Variants in RAF1 observed in about 807,000 individuals in gnomAD.
RAF1 encodes the protein RAF proto-oncogene serine/threonine-protein kinase.
RAF1 carries 27 observed loss-of-function variants against 81.1 expected under a neutral mutation model. The ratio of observed to expected loss-of-function variants is 0.33; its 90% CI spans 0.25 to 0.46. RAF1 has a LOEUF of 0.46. Ranked by LOEUF, RAF1 falls within the 20% of genes least tolerant of loss-of-function variation. RAF1 has a pLI of 1.00. For synonymous variants in RAF1, 298 were observed against 294.0 expected (o/e 1.01, Z -0.14); for missense variants, 598 against 826.0 (o/e 0.72, Z 3.38).
chr3:12,647,380 T>C (rs1184444546), intron 1 of RAF1, among the ~76,000 whole-genome samples: 3 of 151,436 alleles, frequency 2.0e-5, no homozygotes, highest in East Asian at 2.0e-4. Context: ...GCAAGCAGAC[T>C]GCTTGAGCCT....
intron 1 of RAF1, among the ~76,000 whole-genome samples, 167 bp downstream of exon 1, chr3:12,663,646 C>T (rs2060955161): frequency 1.3e-5 from 1 of 76,770 alleles, no homozygotes; most frequent in Admixed American, 1.5e-4. Flanking sequence ...ACTCCGGGGC[C>T]CCCGCCCAAC....
intron 11 of RAF1, among the ~76,000 whole-genome samples, chr3:12,597,388 G>C (rs932258101): frequency 1.3e-5 from 2 of 152,304 alleles, no homozygotes; most frequent in South Asian, 2.1e-4. Flanking sequence ...TGCGCAACCA[G>C]AGGAAAATTA....
intron 1 of RAF1, among the ~76,000 whole-genome samples, chr3:12,640,933 A>G (rs1157819514): frequency 1.3e-5 from 2 of 152,124 alleles, no homozygotes; most frequent in Non-Finnish European, 2.9e-5. Context: ...TTGTGGTACT[A>G]TTCACAATAG....
At chr3:12,617,099 G>A (rs576588691) in intron 2 of RAF1, among the ~76,000 whole-genome samples, 9 of 151,634 alleles carry the variant, frequency 5.9e-5, no homozygotes, top group African/African-American at 2.2e-4. Flanking sequence ...GTGCCACCAC[G>A]CCCGGCTACA....
At chr3:12,594,930 A>G (rs2125359979) in intron 11 of RAF1, among the ~76,000 whole-genome samples, 1 of 152,348 alleles carries the variant, frequency 6.6e-6, no homozygotes, top group East Asian at 1.9e-4. Context: ...TCCAGAAGGA[A>G]TGTTCTATAC....
At chr3:12,628,244 T>G (rs2059763498) in intron 1 of RAF1, among the ~76,000 whole-genome samples, 1 of 152,222 alleles carries the variant, frequency 6.6e-6, no homozygotes, top group Non-Finnish European at 1.5e-5. Flanking sequence ...GAAGATCACT[T>G]AGGCCCAGGA....
chr3:12,622,986 G>T (rs1054419837), intron 1 of RAF1, among the ~76,000 whole-genome samples: 2 of 151,880 alleles, frequency 1.3e-5, no homozygotes, highest in African/African-American at 4.8e-5. Flanking sequence ...AACACAGCAA[G>T]ACCCCATTTC....
intron 5 of RAF1, chr3:12,608,492 C>G: frequency 2.1e-6 from 1 of 480,012 alleles, no homozygotes; most frequent in Admixed American, 3.4e-5. Flanking sequence ...TTTTCATATC[C>G]TTTTGCTCCT....
intron 11 of RAF1, among the ~76,000 whole-genome samples, chr3:12,594,004 G>A (rs1329559126): frequency 2.0e-5 from 3 of 152,110 alleles, no homozygotes; most frequent in African/African-American, 7.2e-5. Flanking sequence ...ATAGGACAGA[G>A]AATGTTTCAG....
rs2060223391 is a variant in RAF1 at position 12,642,568 on chromosome 3, T to C, written c.-27+21245A>G. 2.0e-5 allele frequency among the ~76,000 whole-genome samples: 3 copies of C among 151,448 alleles called. No individual in the cohort carries two copies. In the South Asian group the frequency reaches 6.2e-4, roughly 32 times the overall value. On this transcript the variant is annotated intron_variant, in intron 1 of 17. Coordinates refer to ENST00000442415, the MANE Select transcript of RAF1 (RefSeq NM_001354689.3). ...AGTAAGATAAATAACACTTCTCCCA[T>C]TTCAGTAAAAGGATGAAGCCAGTTT... is the stretch of plus-strand genomic sequence containing the variant.
chr3:12,611,593 C>T (rs902035988), intron 3 of RAF1, among the ~76,000 whole-genome samples: 2 of 151,996 alleles, frequency 1.3e-5, no homozygotes, highest in African/African-American at 2.4e-5. Context: ...CCAGCTACTC[C>T]GGAGGCTGAG....
intron 1 of RAF1, among the ~76,000 whole-genome samples, chr3:12,629,311 A>C (rs1389756929): frequency 1.3e-5 from 2 of 152,180 alleles, no homozygotes; most frequent in Admixed American, 1.3e-4. Context: ...CTGAACAAAA[A>C]CAATAAGTGT....
In RAF1 at chr3:12,642,175, C is replaced by T. The variant is rs143428331; in HGVS notation, c.-27+21638G>A. ...AAAAAATCAATTAATTTAGGCTGGG[C>T]GCAGTGGCTCATGCCTGTAAATCCC... On this transcript the variant is annotated intron_variant, in intron 1 of 17. Coordinates refer to ENST00000442415, the MANE Select transcript of RAF1 (RefSeq NM_001354689.3). Among the ~76,000 whole-genome samples, 38 of 149,536 alleles carry T rather than the reference C, an allele frequency of 2.5e-4. No individual in the cohort carries two copies. In the East Asian group the frequency reaches 6.7e-3, roughly 26 times the overall value.
intron 3 of RAF1, among the ~76,000 whole-genome samples, chr3:12,611,456 C>T (rs548044673): frequency 6.6e-6 from 1 of 152,312 alleles, no homozygotes; most frequent in African/African-American, 2.4e-5. Context: ...TGGCCTCAAG[C>T]AACCCTCTTG....
chr3:12,592,573 G>A (rs999326390), intron 11 of RAF1, among the ~76,000 whole-genome samples: 1 of 151,900 alleles, frequency 6.6e-6, no homozygotes, highest in African/African-American at 2.4e-5. Context: ...AACAAAGAAC[G>A]CTGCAGCCAG....
chr3:12,622,864 T>C (rs2125467274), intron 1 of RAF1, among the ~76,000 whole-genome samples: 1 of 152,302 alleles, frequency 6.6e-6, no homozygotes, highest in Middle Eastern at 3.4e-3. Flanking sequence ...TGGTACATCT[T>C]TAAAAAATAC....
chr3:12,600,453 C>A (rs200961819), intron 8 of RAF1, 38 bp from the exon 8 acceptor site: 3 of 1,612,224 alleles, frequency 1.9e-6, no homozygotes, highest in Non-Finnish European at 2.5e-6. Context: ...CTCCTACACA[C>A]AAAAGATTTT....
chr3:12,596,251 G>A (rs1461849146), intron 11 of RAF1, among the ~76,000 whole-genome samples: 2 of 148,690 alleles, frequency 1.3e-5, no homozygotes, highest in South Asian at 2.1e-4. Context: ...CTGGAGTGCT[G>A]TGGTATGATC....
chr3:12,622,570 C>G (rs1422929221), intron 1 of RAF1, among the ~76,000 whole-genome samples: 1 of 152,202 alleles, frequency 6.6e-6, no homozygotes, highest in African/African-American at 2.4e-5. Context: ...TTTCCCTAAC[C>G]ACACTAGCCA....
Sources: gnomAD v4.1 joint callset for allele counts (sites outside exome capture counted in the v4.1 genomes callset) on GRCh38, gnomAD v4.1.1 for gene constraint, MANE v1.5 for transcripts, NCBI Gene and HGNC (gene_info 2026-07-23, HGNC 2026-07-21) for gene names.